ARHGEF10L: variants seen among roughly 807,000 people sequenced by gnomAD.
ARHGEF10L encodes rho guanine nucleotide exchange factor 10-like protein.
Under a neutral mutation model 141.2 loss-of-function variants are expected in ARHGEF10L, and 69 were observed. That is an observed-to-expected ratio of 0.49 (90% CI 0.40 to 0.60). The LOEUF is 0.60. Among genes scored for constraint, ARHGEF10L ranks in the 20% least tolerant of loss-of-function variants. ARHGEF10L has a pLI of 0.00. For synonymous variants in ARHGEF10L, 711 were observed against 718.5 expected (o/e 0.99, Z 0.17); for missense variants, 1,482 against 1,734.3 (o/e 0.85, Z 2.58).
intron 1 of ARHGEF10L, among the ~76,000 whole-genome samples, chr1:17,542,505 A>G (rs2076766619): frequency 6.6e-6 from 1 of 152,208 alleles, no homozygotes; most frequent in Non-Finnish European, 1.5e-5. Context: ...ATTAATTAAC[A>G]GACATTTATA....
chr1:17,679,627 T>TGAGATAAA (rs761439726), intron 26 of ARHGEF10L, among the ~76,000 whole-genome samples: 25 of 152,118 alleles, frequency 1.6e-4, no homozygotes, highest in Non-Finnish European at 2.6e-4. Context: ...TTGATAAGAA[T>TGAGATAAA]GAGATAAAGA....
chr1:17,696,407 C>T lies in ARHGEF10L; in HGVS notation c.3308-441C>T, dbSNP rs538304520. ...TGGTCTCCTGGGGGTCATCATAGCT[C>T]GGGTGACAGGTGCTGGGATGAGGGT... On this transcript the variant is annotated intron_variant, in intron 28 of 28. Transcript: ENST00000361221. Among the ~76,000 whole-genome samples the T allele has an allele frequency of 5.3e-5, 8 of 152,084 alleles. No individual in the cohort carries two copies. In the South Asian group the frequency reaches 6.2e-4, roughly 12 times the overall value.
chr1:17,618,481 T>C lies in ARHGEF10L; in HGVS notation c.836-858T>C, dbSNP rs1427325654. On this transcript the variant is annotated intron_variant, in intron 9 of 28. Coordinates refer to ENST00000361221, the MANE Select transcript of ARHGEF10L (RefSeq NM_018125.4). The stretch of plus-strand genomic sequence containing the variant: ...CACCACCCCCACCCCCACGCCGTCA[T>C]CCGCTGTCCCTCCTCCTCCTCCTCC... 2.0e-6 allele frequency: 3 copies of C among 1,463,924 alleles called. No individual in the cohort carries two copies. In the South Asian group the frequency reaches 4.2e-5, roughly 20 times the overall value. The allele number at this position is 1,463,924 out of a possible 1,614,324, so 90.7% of individuals were successfully genotyped here.
chr1:17,608,064 G>A (rs532526927), intron 7 of ARHGEF10L, 87 bp downstream of exon 7: 2 of 1,304,626 alleles, frequency 1.5e-6, no homozygotes, highest in Non-Finnish European at 2.0e-6. Context: ...GGGTAGTGAG[G>A]GCCAGGCCTA....
At chr1:17,601,049 C>CAAAAAAAAA (rs55806926) in intron 4 of ARHGEF10L, among the ~76,000 whole-genome samples, 7 of 51,092 alleles carry the variant, frequency 1.4e-4, no homozygotes, top group Non-Finnish European at 2.6e-4. Flanking sequence ...GGCTCTGTCT[C>CAAAAAAAAA]AAAAAAAAAA....
chr1:17,611,515 G>A lies in ARHGEF10L; in HGVS notation c.610-1543G>A, dbSNP rs370438656. Among the ~76,000 whole-genome samples, 51 of 151,890 alleles carry A rather than the reference G, an allele frequency of 3.4e-4. No individual in the cohort carries two copies. In the East Asian group the frequency reaches 3.5e-3, roughly 10 times the overall value. ...AATGATGTAGAATGCAATATCACAGGTGCCTCATCTGTCTGTATATCCATC... is the reference window on the plus strand; with the variant it reads ...AATGATGTAGAATGCAATATCACAGATGCCTCATCTGTCTGTATATCCATC... On this transcript the variant is annotated intron_variant, in intron 7 of 28. Coordinates refer to ENST00000361221, the MANE Select transcript of ARHGEF10L (RefSeq NM_018125.4).
chr1:17,672,724 G>A (rs1187411584), intron 26 of ARHGEF10L, among the ~76,000 whole-genome samples: 2 of 152,154 alleles, frequency 1.3e-5, no homozygotes, highest in South Asian at 2.1e-4. Flanking sequence ...GAAGATGAGT[G>A]TTTTCCAGCA....
At chr1:17,560,825 A>C (rs2077516398) in intron 1 of ARHGEF10L, among the ~76,000 whole-genome samples, 1 of 152,156 alleles carries the variant, frequency 6.6e-6, no homozygotes, top group Non-Finnish European at 1.5e-5. Context: ...TTGGCCTCCC[A>C]AAGTGCTGGG....
chr1:17,638,355 C>A (rs2061138231), intron 19 of ARHGEF10L, among the ~76,000 whole-genome samples: 4 of 152,216 alleles, frequency 2.6e-5, no homozygotes, highest in Admixed American at 2.6e-4. Flanking sequence ...CAGAGGAGGG[C>A]TCCAGGTGGG....
In ARHGEF10L at chr1:17,621,140, C is replaced by T. The variant is rs2060086961; in HGVS notation, c.943-724C>T. On this transcript the variant is annotated intron_variant, in intron 10 of 28. Transcript: ENST00000361221. The surrounding 1 kb of genome is among the most constrained non-coding windows in gnomAD (Gnocchi z 4.1). Reference sequence around the variant, plus strand: ...CCACTCGTGTGGGGGGACGGTACCCCAAGGCCTGTCTTGTGGAAGAGGGAT... The same window carrying T: ...CCACTCGTGTGGGGGGACGGTACCCTAAGGCCTGTCTTGTGGAAGAGGGAT... Among the ~76,000 whole-genome samples the T allele has an allele frequency of 6.6e-6, 1 of 152,184 alleles. No individual in the cohort carries two copies. Among genetic ancestry groups the T allele is most frequent in the South Asian group, 2.1e-4 (1 of 4,830 alleles).
chr1:17,680,214 C>T (rs985082966), intron 26 of ARHGEF10L, among the ~76,000 whole-genome samples: 6 of 152,184 alleles, frequency 3.9e-5, no homozygotes, highest in African/African-American at 7.2e-5. Flanking sequence ...TCCTGACACA[C>T]GGTGGGTACC....
chr1:17,606,401 C>T (rs2081175369), intron 6 of ARHGEF10L, among the ~76,000 whole-genome samples: 1 of 151,812 alleles, frequency 6.6e-6, no homozygotes, highest in Non-Finnish European at 1.5e-5. Flanking sequence ...TCAAGCAATT[C>T]TCCTGCCTCA....
chr1:17,695,999 C>T (rs1330021061), intron 28 of ARHGEF10L, among the ~76,000 whole-genome samples: 1 of 151,880 alleles, frequency 6.6e-6, no homozygotes, highest in Non-Finnish European at 1.5e-5. Flanking sequence ...GAGTTTGAGA[C>T]CAGCCTGGGC....
chr1:17,688,606 G>A (rs937835317), intron 27 of ARHGEF10L, among the ~76,000 whole-genome samples: 12 of 152,202 alleles, frequency 7.9e-5, no homozygotes, highest in African/African-American at 2.9e-4. Flanking sequence ...AGAGCCAAAG[G>A]GCCCTCGGGC....
chr1:17,569,204 C>T (rs940578304), intron 1 of ARHGEF10L, among the ~76,000 whole-genome samples: 3 of 152,108 alleles, frequency 2.0e-5, no homozygotes, highest in Non-Finnish European at 4.4e-5. Context: ...TTAGGGGAGG[C>T]ACCAGGCATC....
chr1:17,518,791 A>G, the ARHGEF10L span, among the ~76,000 whole-genome samples: 3 of 130,764 alleles, frequency 2.3e-5, no homozygotes, highest in South Asian at 2.7e-4. Flanking sequence ...TAATAGAGCA[A>G]GATTCTGTCT....
At chr1:17,518,217 G>A in the ARHGEF10L span, among the ~76,000 whole-genome samples, 4 of 152,230 alleles carry the variant, frequency 2.6e-5, no homozygotes, top group African/African-American at 9.6e-5. Flanking sequence ...CTGGACCCCA[G>A]TCTGGGACCC....
At chr1:17,613,200 C>T (rs1557823580) in intron 8 of ARHGEF10L, 26 bp downstream of exon 8, 1 of 1,566,778 alleles carries the variant, frequency 6.4e-7, no homozygotes, top group East Asian at 2.2e-5. Flanking sequence ...CCCCTCAAGC[C>T]CTGGATGGGG....
rs1430069860 is a variant in ARHGEF10L, at chr1:17,697,286, A to G, written c.3746A>G (p.Asn1249Ser). The change falls in exon 29 of 29, where the codon AAC becomes AGC. Residue 1249 changes from asparagine (N) to serine (S), a missense_variant. This residue lies in a region of ARHGEF10L where 858 missense variants were observed against 966.3 expected (regional missense o/e 0.89). Coordinates refer to ENST00000361221, the MANE Select transcript of ARHGEF10L (RefSeq NM_018125.4). This position sits in a 1 kb window ranked among gnomAD's most constrained non-coding sequence, Gnocchi z 4.8. ...ATCTCCGGCGGGCAGGGCTACCGCA[A>G]CTTTGGCAGCGCTCTGGGCAGCAGT... ...AIISGGQGYR[N>S]FGSALGSSGR... The G allele has an allele frequency of 6.2e-7, 1 of 1,612,794 alleles. No homozygotes were observed. Among genetic ancestry groups the G allele is most frequent in the Non-Finnish European group, 8.5e-7 (1 of 1,179,860 alleles).
Sources: gnomAD v4.1 joint callset for allele counts (sites outside exome capture counted in the v4.1 genomes callset) on GRCh38, gnomAD v4.1.1 for gene constraint, gnomAD v4.1.1 regional missense constraint, Gnocchi (gnomAD v3.1) non-coding constraint, MANE v1.5 for transcripts, NCBI Gene and HGNC (gene_info 2026-07-23, HGNC 2026-07-21) for gene names.